Variants in SLC25A48 observed in about 807,000 individuals in gnomAD.
SLC25A48 encodes the protein solute carrier family 25 member 48.
In SLC25A48, 29 loss-of-function variants were observed where a neutral mutation model predicts 32.2. The observed-to-expected ratio is 0.90, with a 90% CI of 0.67 to 1.23. SLC25A48 has a LOEUF of 1.23. Among genes scored for constraint, SLC25A48 ranks in the 50% most tolerant of loss-of-function variants. The pLI, the probability that SLC25A48 is intolerant of heterozygous loss-of-function variation, is 0.00. For missense variants in SLC25A48, 399 were observed against 422.7 expected (o/e 0.94, Z 0.49); for synonymous variants, 164 against 172.3 (o/e 0.95, Z 0.38).
intron 1 of SLC25A48, among the ~76,000 whole-genome samples, chr5:135,607,128 G>A (rs1876623): frequency 0.17 from 26,507 of 152,100 alleles, 2,474 homozygotes; most frequent in East Asian, 0.31. Context: ...TTCCAAAGGC[G>A]CTGCCTCTGA....
In SLC25A48 at chr5:135,735,122, A is replaced by G. The variant is rs150931613; in HGVS notation, c.-520-77401A>G. On this transcript the variant is annotated intron_variant, in intron 3 of 10. Transcript: ENST00000646290. ...GGGCATTCCTTGGCCCAGTGGCCAGATTTCCAGCACTTGAAGCAAGTTCCT... is the reference window on the plus strand; with the variant it reads ...GGGCATTCCTTGGCCCAGTGGCCAGGTTTCCAGCACTTGAAGCAAGTTCCT... Among the ~76,000 whole-genome samples the G allele has an allele frequency of 5.1e-3, 784 of 152,322 alleles. 4 individuals carry two copies. The highest frequency in any genetic ancestry group is 0.018 in the African/African-American group (752 of 41,570).
intron 3 of SLC25A48, among the ~76,000 whole-genome samples, chr5:135,717,980 T>G (rs1403305981): frequency 6.6e-6 from 1 of 151,876 alleles, no homozygotes; most frequent in Non-Finnish European, 1.5e-5. Flanking sequence ...GTCAATTTTC[T>G]GGAAATTAAT....
chr5:135,580,708 C>T (rs910059442), intron 1 of SLC25A48, among the ~76,000 whole-genome samples: 5 of 152,016 alleles, frequency 3.3e-5, no homozygotes, highest in African/African-American at 1.2e-4. Context: ...AGAAACAACA[C>T]GTTTGCCCAG....
chr5:135,627,914 T>C (rs1282557648), intron 1 of SLC25A48, among the ~76,000 whole-genome samples: 2 of 152,084 alleles, frequency 1.3e-5, no homozygotes, highest in African/African-American at 4.8e-5. Flanking sequence ...CTATGCATGG[T>C]TGGGGGTGGG....
At chr5:135,676,258 A>G (rs996694794) in intron 3 of SLC25A48, among the ~76,000 whole-genome samples, 3 of 151,804 alleles carry the variant, frequency 2.0e-5, no homozygotes, top group Admixed American at 1.3e-4. Context: ...TAGGTTTTCT[A>G]GTTTATCAGT....
intron 3 of SLC25A48, among the ~76,000 whole-genome samples, chr5:135,746,596 TG>T (rs879516270): frequency 6.6e-6 from 1 of 152,222 alleles, no homozygotes; most frequent in Admixed American, 6.5e-5. Flanking sequence ...GCGGAGCGAC[TG>T]GGACTCACTT....
chr5:135,765,882 G>T (rs570384297), intron 3 of SLC25A48, among the ~76,000 whole-genome samples: 2 of 136,220 alleles, frequency 1.5e-5, no homozygotes, highest in East Asian at 5.1e-4. Flanking sequence ...ATTGCAGGGG[G>T]CATACACCCT....
At chr5:135,864,509 CA>C (rs1333558206) in intron 4 of SLC25A48, among the ~76,000 whole-genome samples, 1 of 152,114 alleles carries the variant, frequency 6.6e-6, no homozygotes, top group Non-Finnish European at 1.5e-5. Context: ...AAAAGGGACC[CA>C]AAATCCTGAA....
In SLC25A48 at chr5:135,842,466, T is replaced by C. The variant is rs755023809; in HGVS notation, c.90+7T>C. On this transcript the variant is annotated splice_region_variant and intron_variant, in intron 2 of 7. Coordinates refer to ENST00000681962, the MANE Select transcript of SLC25A48 (RefSeq NM_001349336.2). Reference sequence around the variant, plus strand: ...CCCTCTGGACACAGTCAAGGTACAGTAGCCATGTTTCCCATTACCTCTTAA... The same window carrying C: ...CCCTCTGGACACAGTCAAGGTACAGCAGCCATGTTTCCCATTACCTCTTAA... 1 of 1,613,228 alleles carries C rather than the reference T, an allele frequency of 6.2e-7. No individual in the cohort carries two copies. The highest frequency in any genetic ancestry group is 8.5e-7 in the Non-Finnish European group (1 of 1,179,160).
chr5:135,864,652 G>T (rs1390581196), intron 4 of SLC25A48, among the ~76,000 whole-genome samples: 1 of 152,224 alleles, frequency 6.6e-6, no homozygotes. Context: ...ATATGGCCAT[G>T]CAGTTCCAAA....
At chr5:135,741,315 T>C (rs995719507) in intron 3 of SLC25A48, among the ~76,000 whole-genome samples, 1 of 152,196 alleles carries the variant, frequency 6.6e-6, no homozygotes, top group Non-Finnish European at 1.5e-5. Flanking sequence ...TCTGTATACT[T>C]GGGTGGAAAT....
intron 4 of SLC25A48, among the ~76,000 whole-genome samples, chr5:135,821,430 C>T (rs561240217): frequency 9.8e-5 from 15 of 152,298 alleles, no homozygotes; most frequent in African/African-American, 2.6e-4. Context: ...CCCCAGAGAG[C>T]AGCGGCCCAT....
intron 3 of SLC25A48, among the ~76,000 whole-genome samples, chr5:135,773,574 A>G (rs553562371): frequency 4.0e-5 from 6 of 151,686 alleles, no homozygotes; most frequent in South Asian, 2.1e-4. Flanking sequence ...ATTACGAACC[A>G]TATATCAGGG....
intron 3 of SLC25A48, among the ~76,000 whole-genome samples, chr5:135,717,547 A>C (rs1044741870): frequency 6.6e-6 from 1 of 152,238 alleles, no homozygotes; most frequent in Admixed American, 6.5e-5. Context: ...ACATTGGATC[A>C]GGGTGGATTC....
intron 3 of SLC25A48, among the ~76,000 whole-genome samples, chr5:135,725,881 C>CAA (rs5871579): frequency 0.017 from 2,544 of 149,244 alleles, 48 homozygotes; most frequent in African/African-American, 0.048. Flanking sequence ...CTAGGGTTTT[C>CAA]AAAAAAAAAA....
At position 135,774,661 on chromosome 5, in the gene SLC25A48, A is replaced by AT. The variant is rs1389911290; in HGVS notation, c.-520-37858dup. Among the ~76,000 whole-genome samples the AT allele has an allele frequency of 2.0e-5, 3 of 151,680 alleles. No individual in the cohort carries two copies. The East Asian group carries it at 5.8e-4, about 29-fold the overall frequency. On this transcript the variant is annotated intron_variant, in intron 3 of 10. Coordinates refer to the SLC25A48 transcript ENST00000646290. Reference sequence around the variant, plus strand: ...TTGTGATCAATATCCCAAAAAGTGTATTTTGGGATATTGATCCTGTACTAT... The same window carrying AT: ...TTGTGATCAATATCCCAAAAAGTGTATTTTTGGGATATTGATCCTGTACTAT...
At chr5:135,631,113 C>T (rs1752558635) in intron 2 of SLC25A48, among the ~76,000 whole-genome samples, 1 of 152,168 alleles carries the variant, frequency 6.6e-6, no homozygotes, top group African/African-American at 2.4e-5. Context: ...TACATTTTTC[C>T]TTTGGAGAAA....
chr5:135,779,531 T>G (rs1348574537), intron 3 of SLC25A48, among the ~76,000 whole-genome samples: 3 of 58,082 alleles, frequency 5.2e-5, no homozygotes, highest in Non-Finnish European at 6.5e-5. Context: ...CATGCCCCCC[T>G]GTGATATTGT....
chr5:135,817,022 T>C (rs1757736003), intron 4 of SLC25A48, among the ~76,000 whole-genome samples: 1 of 152,240 alleles, frequency 6.6e-6, no homozygotes, highest in Admixed American at 6.5e-5. Context: ...GTTTATATTG[T>C]AAAAATATAA....
Sources: gnomAD v4.1 joint callset for allele counts (sites outside exome capture counted in the v4.1 genomes callset) on GRCh38, gnomAD v4.1.1 for gene constraint, MANE v1.5 for transcripts, NCBI Gene and HGNC (gene_info 2026-07-23, HGNC 2026-07-21) for gene names.